The following CDH1 variants were observed in gnomAD, a reference collection of about 807,000 sequenced individuals.
The protein encoded by CDH1 is cadherin 1.
A neutral mutation model predicts 84.5 loss-of-function variants in CDH1; 35 were observed. The observed-to-expected ratio is 0.41, with a 90% confidence interval of 0.32 to 0.55. The LOEUF (loss-of-function observed/expected upper bound fraction) is 0.55, where lower values mean the gene tolerates loss of function less well. Ranked by LOEUF, CDH1 falls within the 20% of genes least tolerant of loss-of-function variation. The probability of loss-of-function intolerance (pLI) is 0.19; values close to 1 mark genes in which losing one functional copy is unlikely to be tolerated. For synonymous variants in CDH1, 417 were observed against 439.0 expected, an observed-to-expected ratio of 0.95 and a Z score of 0.63; for missense variants, 994 against 1,126.6, an observed-to-expected ratio of 0.88 and a Z score of 1.68.
chr16:68,795,529 C>T (rs1208987642), intron 2 of CDH1, among the ~76,000 whole-genome samples: 4 of 150,948 alleles, frequency 2.6e-5, no homozygotes, highest in Non-Finnish European at 5.9e-5. Flanking sequence ...CTTTTTTGCT[C>T]TGTCACCTAC....
At chr16:68,767,228 T>C (rs2152120164) in intron 2 of CDH1, among the ~76,000 whole-genome samples, 1 of 151,974 alleles carries the variant, frequency 6.6e-6, no homozygotes, top group East Asian at 1.9e-4. Flanking sequence ...ACAGTCTCGC[T>C]CTGTTGGCCA....
rs888689901 is a variant in CDH1, at chr16:68,810,965, C to T, written c.832+624C>T. 9.2e-5 allele frequency among the ~76,000 whole-genome samples: 14 copies of T among 152,218 alleles called. 1 individual carries two copies. The highest frequency in any genetic ancestry group is 8.5e-4 in the Admixed American group (13 of 15,274). Reference sequence around the variant, plus strand: ...AAGCAATCCTCCCACCTCAGCCCCACAAGCTGCTAAGATTATAGGCATGAG... The same window carrying T: ...AAGCAATCCTCCCACCTCAGCCCCATAAGCTGCTAAGATTATAGGCATGAG... On this transcript the variant is annotated intron_variant, in intron 6 of 15. Coordinates refer to ENST00000261769, the MANE Select transcript of CDH1 (RefSeq NM_004360.5).
intron 2 of CDH1, among the ~76,000 whole-genome samples, chr16:68,740,125 CCT>C (rs10558134): frequency 0.8 from 122,034 of 151,622 alleles, 49,850 homozygotes; most frequent in Non-Finnish European, 0.89. Context: ...ACCACTTTCT[CCT>C]CTCTCATGAT....
intron 2 of CDH1, among the ~76,000 whole-genome samples, chr16:68,781,598 C>T (rs1959879710): frequency 6.6e-6 from 1 of 152,118 alleles, no homozygotes; most frequent in Non-Finnish European, 1.5e-5. Flanking sequence ...CTTGGCCTCC[C>T]AAAGTGCGGG....
At position 68,821,987 on chromosome 16, in the gene CDH1, G is replaced by A. The variant is rs2152138120; in HGVS notation, c.1712-14G>A. 1.9e-6 allele frequency: 3 copies of A among 1,606,366 alleles called. No individual in the cohort carries two copies. Among genetic ancestry groups the A allele is most frequent in the Non-Finnish European group, 2.6e-6 (3 of 1,172,972 alleles). Reference sequence around the variant, plus strand: ...GTTGCCAAGCTGCCACATTTTCTGTGTATTTTCTCTTAGGTTCTCCAGTTG... The same window carrying A: ...GTTGCCAAGCTGCCACATTTTCTGTATATTTTCTCTTAGGTTCTCCAGTTG... On this transcript the variant is annotated splice_polypyrimidine_tract_variant and intron_variant, in intron 11 of 15. Transcript: ENST00000261769.
intron 2 of CDH1, among the ~76,000 whole-genome samples, chr16:68,792,827 C>T (rs1323242238): frequency 6.6e-6 from 1 of 152,192 alleles, no homozygotes; most frequent in Non-Finnish European, 1.5e-5. Flanking sequence ...ACTGTTTTCT[C>T]TCTCCACCCC....
rs1959460308 is a variant in CDH1, at chr16:68,768,799, C to T, written c.163+30388C>T. 3.3e-5 allele frequency among the ~76,000 whole-genome samples: 5 copies of T among 152,204 alleles called. No individual in the cohort carries two copies. The South Asian group carries it at 8.3e-4, about 25-fold the overall frequency. ...CTAGAAGTAAGGTCTCTATTATTAT[C>T]TTATATGTTGTAATATAAATGCAAG... On this transcript the variant is annotated intron_variant, in intron 2 of 15. Transcript: ENST00000261769.
At chr16:68,770,770 C>T (rs969117954) in intron 2 of CDH1, among the ~76,000 whole-genome samples, 10 of 151,416 alleles carry the variant, frequency 6.6e-5, no homozygotes, top group Non-Finnish European at 1.2e-4. Flanking sequence ...CAGGAAGGAG[C>T]GCAGTGTGTG....
At chr16:68,807,717 G>A (rs908689836) in intron 3 of CDH1, among the ~76,000 whole-genome samples, 4 of 151,786 alleles carry the variant, frequency 2.6e-5, no homozygotes, top group African/African-American at 9.7e-5. Flanking sequence ...AAAAGAAATC[G>A]AAAACCCAAA....
chr16:68,768,404 A>G (rs534393297), intron 2 of CDH1, among the ~76,000 whole-genome samples: 48 of 152,362 alleles, frequency 3.2e-4, no homozygotes, highest in Middle Eastern at 3.4e-3. Flanking sequence ...TGAGTTAAGC[A>G]TAAATCTGTT....
chr16:68,798,973 T>A (rs1286642031), intron 2 of CDH1, among the ~76,000 whole-genome samples: 1 of 152,230 alleles, frequency 6.6e-6, no homozygotes, highest in Non-Finnish European at 1.5e-5. Context: ...AATAGTCATC[T>A]CTTCTACTTT....
At chr16:68,767,919 A>AC (rs941609977) in intron 2 of CDH1, among the ~76,000 whole-genome samples, 1 of 150,646 alleles carries the variant, frequency 6.6e-6, no homozygotes, top group Admixed American at 6.6e-5. Flanking sequence ...ACATAGAGAG[A>AC]CCCCCATCTC....
intron 11 of CDH1, 62 bp downstream of exon 11, chr16:68,819,487 C>G (rs2152137138): frequency 6.5e-7 from 1 of 1,529,692 alleles, no homozygotes; most frequent in Middle Eastern, 2.3e-4. Flanking sequence ...GTTCCTTGCC[C>G]CTCCCTTCTT....
chr16:68,756,437 C>T (rs1963021410), intron 2 of CDH1, among the ~76,000 whole-genome samples: 1 of 152,082 alleles, frequency 6.6e-6, no homozygotes, highest in Admixed American at 6.6e-5. Context: ...TTTTCAATAT[C>T]AGGTTGAATC....
At chr16:68,796,871 C>T (rs1263262336) in intron 2 of CDH1, among the ~76,000 whole-genome samples, 1 of 152,148 alleles carries the variant, frequency 6.6e-6, no homozygotes, top group Non-Finnish European at 1.5e-5. Flanking sequence ...AGGCACAATA[C>T]TTGTATCTGT....
intron 15 of CDH1, among the ~76,000 whole-genome samples, 157 bp downstream of exon 15, chr16:68,829,954 TTTTTC>T (rs1026653244): frequency 2.0e-5 from 2 of 101,400 alleles, no homozygotes; most frequent in African/African-American, 1.1e-4. Context: ...TTTTTTTTTC[TTTTTC>T]TTTTTTTTTT....
At chr16:68,787,452 G>A (rs1163658454) in intron 2 of CDH1, among the ~76,000 whole-genome samples, 7 of 151,996 alleles carry the variant, frequency 4.6e-5, no homozygotes, top group South Asian at 2.1e-4. Context: ...CGTAATGACT[G>A]TCATAGTGAA....
chr16:68,830,703 G>A (rs895028746), intron 15 of CDH1, among the ~76,000 whole-genome samples: 1 of 152,102 alleles, frequency 6.6e-6, no homozygotes, highest in Non-Finnish European at 1.5e-5. Context: ...CAAGATGGCT[G>A]CCACACTTCC....
At chr16:68,758,072 C>T (rs951113948) in intron 2 of CDH1, among the ~76,000 whole-genome samples, 3 of 150,870 alleles carry the variant, frequency 2.0e-5, no homozygotes, top group Admixed American at 6.6e-5. Flanking sequence ...CCTCAGCCTC[C>T]CAAAGTGCTG....
Sources: allele counts gnomAD v4.1 joint callset (sites outside exome capture counted in the v4.1 genomes callset), GRCh38; gene constraint gnomAD v4.1.1; transcripts MANE v1.5; gene names NCBI Gene and HGNC (gene_info 2026-07-23, HGNC 2026-07-21).